The following TNIP1 variants were observed in gnomAD, a reference collection of about 807,000 sequenced individuals.
TNIP1 encodes the protein TNFAIP3-interacting protein 1.
TNIP1 carries 22 observed loss-of-function variants against 86.6 expected under a neutral mutation model. The observed-to-expected ratio is 0.25, with a 90% CI of 0.18 to 0.36. TNIP1 has a LOEUF of 0.36. Among genes scored for constraint, TNIP1 ranks in the 10% least tolerant of loss-of-function variants. The pLI is 1.00. For missense variants in TNIP1, 709 were observed against 820.6 expected (o/e 0.86, Z 1.66); for synonymous variants, 294 against 313.0 (o/e 0.94, Z 0.64).
chr5:151,079,991 G>C (rs1298241470), intron 1 of TNIP1: 1 of 152,222 alleles, frequency 6.6e-6, no homozygotes, highest in African/African-American at 2.4e-5. Flanking sequence ...CATTCTGCAA[G>C]GGGGTGGGGA....
At chr5:151,085,614 C>T (rs984105198), upstream of TNIP1, among the ~76,000 whole-genome samples, 3 of 152,214 alleles carry the variant, frequency 2.0e-5, no homozygotes, top group Non-Finnish European at 2.9e-5. Context: ...GGGAAATTCC[C>T]AGCCTCGTCA....
At chr5:151,055,198 C>G (rs1032822365) in intron 6 of TNIP1, among the ~76,000 whole-genome samples, 1 of 151,990 alleles carries the variant, frequency 6.6e-6, no homozygotes, top group Non-Finnish European at 1.5e-5. Flanking sequence ...GCCTGCCCCC[C>G]TCAAGCTTAC....
chr5:151,051,930 C>G (rs1759979148), intron 7 of TNIP1, among the ~76,000 whole-genome samples: 1 of 152,186 alleles, frequency 6.6e-6, no homozygotes, highest in African/African-American at 2.4e-5. Context: ...ACAATCTATG[C>G]TGACCTTCTT....
At chr5:151,070,776 G>A (rs188437114) in intron 1 of TNIP1, among the ~76,000 whole-genome samples, 102 of 152,246 alleles carry the variant, frequency 6.7e-4, no homozygotes, top group African/African-American at 2.4e-3. Context: ...TGGGGAAACT[G>A]CAGCCTCAGG....
At chr5:151,055,427 C>T (rs563319273) in intron 6 of TNIP1, among the ~76,000 whole-genome samples, 1 of 152,182 alleles carries the variant, frequency 6.6e-6, no homozygotes, top group Non-Finnish European at 1.5e-5. Flanking sequence ...CAGGCACCTT[C>T]CTACCCTGCC....
At chr5:151,048,279 G>T (rs1759444145) in intron 8 of TNIP1, among the ~76,000 whole-genome samples, 1 of 152,234 alleles carries the variant, frequency 6.6e-6, no homozygotes. Flanking sequence ...AGAGCTGGCT[G>T]CTGGCCCCAA....
rs188491180 is a variant in TNIP1, at chr5:151,038,962, C to T, written c.1263+135G>A. On this transcript the variant is annotated intron_variant, in intron 12 of 17. Transcript: ENST00000521591. ...GTGTGGGAGGCAATGGCAGAGCAGGCGGGAAACAGGATGCCAGCTCACTGA... is the reference window on the plus strand; with the variant it reads ...GTGTGGGAGGCAATGGCAGAGCAGGTGGGAAACAGGATGCCAGCTCACTGA... The T allele has an allele frequency of 7.2e-5, 90 of 1,247,520 alleles. 2 individuals are homozygous for T. In the African/African-American group the frequency reaches 1.0e-3, roughly 14 times the overall value. The allele number at this position is 1,247,520 out of a possible 1,614,324, so 77.3% of individuals were successfully genotyped here. A position where few individuals can be genotyped will look rare whatever the true frequency, so the allele number is the denominator to read the frequency against.
rs377380185 is a variant in TNIP1 at position 151,073,582 on chromosome 5, T to TTGTGTGTGTGTGTG, written c.-37+7284_-37+7297dup. On this transcript the variant is annotated intron_variant, in intron 1 of 17. Coordinates refer to ENST00000521591, the MANE Select transcript of TNIP1 (RefSeq NM_006058.5). ...GGATGCTATTTTTTTCAAAAACACATTGTGTGTGTGTGTGTATACATACGG... is the reference window on the plus strand; with the variant it reads ...GGATGCTATTTTTTTCAAAAACACATTGTGTGTGTGTGTGTGTGTGTGTGTGTGTATACATACGG... 4.7e-3 allele frequency among the ~76,000 whole-genome samples: 707 copies of TTGTGTGTGTGTGTG among 150,294 alleles called. 1 individual carries two copies. The highest frequency in any genetic ancestry group is 6.2e-3 in the Non-Finnish European group (421 of 67,694).
intron 9 of TNIP1, among the ~76,000 whole-genome samples, chr5:151,043,645 C>G (rs1475443025): frequency 6.6e-6 from 1 of 151,926 alleles, no homozygotes; most frequent in African/African-American, 2.4e-5. Context: ...CATGGTGGCA[C>G]GCATCTATAG....
At chr5:151,065,275 A>T (rs1762092062) in intron 1 of TNIP1, 144 bp from the exon 2 acceptor site, 1 of 661,796 alleles carries the variant, frequency 1.5e-6, no homozygotes, top group Admixed American at 3.0e-5. Flanking sequence ...CAGGACAGTC[A>T]CCTCCTTTTA....
At chr5:151,081,394 A>G (rs1448528969), upstream of TNIP1, among the ~76,000 whole-genome samples, 1 of 151,896 alleles carries the variant, frequency 6.6e-6, no homozygotes, top group African/African-American at 2.4e-5. Context: ...AGGGGAACAC[A>G]GGCCAGAACA....
In TNIP1 at chr5:151,042,661, A is replaced by C; in HGVS notation, c.1013T>G (p.Leu338Arg). 4 of 1,613,960 alleles carry C rather than the reference A, an allele frequency of 2.5e-6. 1 individual carries two copies. In the South Asian group the frequency reaches 4.4e-5, roughly 18 times the overall value. Reference protein sequence around the residue: ...KQQYEQKITELRQKLADLQKQ... With the variant: ...KQQYEQKITERRQKLADLQKQ... ...CTGCAAATCAGCCAGCTTCTGACGCAGCTCAGTGATCTGGGTTCAGAGGCA... is the reference window on the plus strand; with the variant it reads ...CTGCAAATCAGCCAGCTTCTGACGCCGCTCAGTGATCTGGGTTCAGAGGCA... Residue 338 changes from leucine to arginine, a missense_variant, in exon 11 of 18, where the codon CTG becomes CGG. Leu to Arg is a moderately radical substitution (Grantham distance 102). Coordinates refer to ENST00000521591, the MANE Select transcript of TNIP1 (RefSeq NM_006058.5).
intron 1 of TNIP1, among the ~76,000 whole-genome samples, chr5:151,072,539 C>T (rs1561537407): frequency 6.6e-6 from 1 of 152,252 alleles, no homozygotes; most frequent in African/African-American, 2.4e-5. Flanking sequence ...TCTGTTTCCA[C>T]TGGCCCTTCT....
intron 7 of TNIP1, among the ~76,000 whole-genome samples, chr5:151,051,710 G>A (rs1453020301): frequency 1.3e-5 from 2 of 152,192 alleles, no homozygotes; most frequent in Non-Finnish European, 2.9e-5. Flanking sequence ...GGAAGGAAGG[G>A]AAGGCGTATA....
At chr5:151,042,737 G>T in intron 10 of TNIP1, 66 bp from the exon 11 acceptor site, 1 of 1,604,478 alleles carries the variant, frequency 6.2e-7, no homozygotes. Flanking sequence ...ATGTGGGCAG[G>T]GCCTGGCTGC....
At chr5:151,054,625 G>A (rs1439286203) in intron 6 of TNIP1, among the ~76,000 whole-genome samples, 1 of 152,212 alleles carries the variant, frequency 6.6e-6, no homozygotes, top group African/African-American at 2.4e-5. Context: ...GCTGTAGTGA[G>A]CTGTGGTCGC....
chr5:151,082,546 C>T (rs1258654698), upstream of TNIP1, among the ~76,000 whole-genome samples: 2 of 152,192 alleles, frequency 1.3e-5, no homozygotes, highest in Non-Finnish European at 2.9e-5. Flanking sequence ...TTCCTATTCC[C>T]AACCCACATC....
Position 151,042,778 on chromosome 5 carries a change from C to T in TNIP1, c.1003-107G>A. ...GGCCCTCCAACACTGCCCCCAACTT[C>T]TCCTCTGGGCCATACTGGGGCTCAG... On this transcript the variant is annotated intron_variant, in intron 10 of 17. Transcript: ENST00000521591. 4 of 1,593,596 alleles carry T rather than the reference C, an allele frequency of 2.5e-6. No homozygotes were observed. The South Asian group carries it at 4.5e-5, about 18-fold the overall frequency.
At chr5:151,070,302 T>G (rs1412501753) in intron 1 of TNIP1, among the ~76,000 whole-genome samples, 3 of 152,162 alleles carry the variant, frequency 2.0e-5, no homozygotes, top group Non-Finnish European at 4.4e-5. Flanking sequence ...AATAAGAGTA[T>G]ACAGTAACTA....
Sources: gnomAD v4.1 joint callset for allele counts (sites outside exome capture counted in the v4.1 genomes callset) on GRCh38, gnomAD v4.1.1 for gene constraint, MANE v1.5 for transcripts, NCBI Gene and HGNC (gene_info 2026-07-23, HGNC 2026-07-21) for gene names.